DNAJC10: variants seen among roughly 807,000 people sequenced by gnomAD.
The protein encoded by DNAJC10 is endoplasmic reticulum disulfide reductase DNAJC10.
A neutral mutation model predicts 115.0 loss-of-function variants in DNAJC10; 101 were observed. That is an observed-to-expected ratio of 0.88 (90% CI 0.75 to 1.04). The LOEUF (loss-of-function observed/expected upper bound fraction) is 1.04. Among genes scored for constraint, DNAJC10 ranks in the 50% least tolerant of loss-of-function variants. DNAJC10 has a pLI of 0.00. For synonymous variants in DNAJC10, 307 were observed against 301.5 expected, an observed-to-expected ratio of 1.02 and a Z score of -0.19; for missense variants, 981 against 928.8, an observed-to-expected ratio of 1.06 and a Z score of -0.73.
At chr2:182,751,966 C>T (rs1479598411) in intron 15 of DNAJC10, 106 bp from the exon 16 acceptor site, 14 of 1,204,360 alleles carry the variant, frequency 1.2e-5, no homozygotes, top group East Asian at 2.3e-5. Flanking sequence ...GAAGGTTTGC[C>T]GCTAAGTACA....
intron 9 of DNAJC10, 74 bp downstream of exon 9, chr2:182,731,181 A>G (rs1167681925): frequency 9.4e-7 from 1 of 1,062,334 alleles, no homozygotes; most frequent in African/African-American, 1.6e-5. Context: ...TAAGTATGCT[A>G]CTGTAATTGA....
In DNAJC10 at chr2:182,716,490, A is replaced by C. The variant is rs1692994857; in HGVS notation, c.-204+7A>C. ...GCGACCCCGCGATGGCAAGGTGGGC[A>C]TGGGCCCGGGGCTAGGGCTTTGCTG... On this transcript the variant is annotated splice_region_variant and intron_variant, in intron 1 of 23. Transcript: ENST00000264065. The C allele has an allele frequency of 6.6e-6, 1 of 152,470 alleles. No individual in the cohort carries two copies. The highest frequency in any genetic ancestry group is 1.5e-5 in the Non-Finnish European group (1 of 68,278). The allele number at this position is 152,470 out of a possible 1,614,324, so 9.4% of individuals were successfully genotyped here.
intron 16 of DNAJC10, 27 bp downstream of exon 16, chr2:182,752,215 T>G: frequency 1.7e-6 from 2 of 1,206,486 alleles, no homozygotes; most frequent in Non-Finnish European, 2.3e-6. Flanking sequence ...AAAATTATTC[T>G]AATTAATTTT....
intron 22 of DNAJC10, among the ~76,000 whole-genome samples, chr2:182,763,668 A>G (rs1280754907): frequency 6.6e-6 from 1 of 152,134 alleles, no homozygotes; most frequent in Non-Finnish European, 1.5e-5. Flanking sequence ...TAACATACAC[A>G]CAGTGCCTCA....
chr2:182,720,585 T>A (rs1169271492), intron 4 of DNAJC10, among the ~76,000 whole-genome samples: 1 of 152,148 alleles, frequency 6.6e-6, no homozygotes, highest in African/African-American at 2.4e-5. Flanking sequence ...AGTAACATGC[T>A]GTACAGATTT....
intron 18 of DNAJC10, among the ~76,000 whole-genome samples, chr2:182,756,761 C>A (rs1694167129): frequency 6.6e-6 from 1 of 152,058 alleles, no homozygotes; most frequent in African/African-American, 2.4e-5. Flanking sequence ...ACCTCAACCA[C>A]CCTAGTAGCT....
intron 14 of DNAJC10, among the ~76,000 whole-genome samples, chr2:182,750,160 G>T (rs1559013898): frequency 6.6e-6 from 1 of 152,168 alleles, no homozygotes; most frequent in Non-Finnish European, 1.5e-5. Context: ...GAGAGAGAGA[G>T]AGTCAAGAAT....
chr2:182,783,691 GA>G lies in DNAJC10; in HGVS notation c.*6565del. The G allele has an allele frequency of 6.6e-6, 1 of 152,098 alleles. No individual in the cohort carries two copies. Among genetic ancestry groups the G allele is most frequent in the South Asian group, 2.1e-4 (1 of 4,822 alleles). The allele number at this position is 152,098 out of a possible 1,614,324, so 9.4% of individuals were successfully genotyped here. A position where few individuals can be genotyped will look rare whatever the true frequency, so the allele number is the denominator to read the frequency against. ...ATACTTTCTATTTTGTGACAGGAGTGAAAAAATGTTTAATGATTTTAAACAT... is the reference window on the plus strand; with the variant it reads ...ATACTTTCTATTTTGTGACAGGAGTGAAAAATGTTTAATGATTTTAAACAT... On this transcript the variant is annotated 3_prime_UTR_variant, in exon 24 of 24. Coordinates refer to ENST00000264065, the MANE Select transcript of DNAJC10 (RefSeq NM_018981.4).
rs1033185066 is a variant in DNAJC10, at chr2:182,792,605, T to C, written c.*15473T>C. The C allele has an allele frequency of 6.6e-6, 1 of 152,236 alleles. No homozygotes were observed. Among genetic ancestry groups the C allele is most frequent in the African/African-American group, 2.4e-5 (1 of 41,462 alleles). The allele number at this position is 152,236 out of a possible 1,614,324, so 9.4% of individuals were successfully genotyped here. A position where few individuals can be genotyped will look rare whatever the true frequency, so the allele number is the denominator to read the frequency against. On this transcript the variant is annotated 3_prime_UTR_variant, in exon 24 of 24. Coordinates refer to ENST00000264065, the MANE Select transcript of DNAJC10 (RefSeq NM_018981.4). The stretch of plus-strand genomic sequence containing the variant: ...CAGTCCATCTAAATGCATGCCAGTT[T>C]CTTTCTTGATAAATTAGAGGCCTAT...
At chr2:182,739,049 G>A (rs1693660439) in intron 11 of DNAJC10, among the ~76,000 whole-genome samples, 1 of 151,604 alleles carries the variant, frequency 6.6e-6, no homozygotes, top group Admixed American at 6.6e-5. Context: ...AGTCTTCATA[G>A]TGAATAGGAC....
intron 20 of DNAJC10, 55 bp downstream of exon 20, chr2:182,758,945 C>G (rs1330648776): frequency 2.3e-6 from 3 of 1,321,612 alleles, no homozygotes; most frequent in African/African-American, 1.5e-5. Context: ...CCATTTACCC[C>G]CCTTTTATAT....
chr2:182,717,971 C>A lies in DNAJC10; in HGVS notation c.-116C>A. 1 of 637,062 alleles carries A rather than the reference C, an allele frequency of 1.6e-6. No individual in the cohort carries two copies. Among genetic ancestry groups the A allele is most frequent in the Non-Finnish European group, 2.5e-6 (1 of 395,828 alleles). The allele number at this position is 637,062 out of a possible 1,614,324, so 39.5% of individuals were successfully genotyped here. On this transcript the variant is annotated 5_prime_UTR_variant, in exon 3 of 24. Transcript: ENST00000264065. Reference sequence around the variant, plus strand: ...TATTTTTGGGGACAGATTTGTGATGCTTGATTCACCCTTGAAGTAATGTAG... The same window carrying A: ...TATTTTTGGGGACAGATTTGTGATGATTGATTCACCCTTGAAGTAATGTAG...
intron 8 of DNAJC10, among the ~76,000 whole-genome samples, chr2:182,730,784 CCTA>C (rs1239435418): frequency 4.6e-5 from 7 of 151,896 alleles, no homozygotes; most frequent in Non-Finnish European, 7.4e-5. Flanking sequence ...GTCACAGGGG[CCTA>C]ACTTGCCAAT....
In DNAJC10 at chr2:182,755,062, T is replaced by C; in HGVS notation, c.1611T>C (p.Tyr537=). 6.2e-7 allele frequency: 1 copy of C among 1,610,180 alleles called. No individual in the cohort carries two copies. The highest frequency in any genetic ancestry group is 8.5e-7 in the Non-Finnish European group (1 of 1,176,610). Residue 537 remains tyrosine, a synonymous_variant, in exon 17 of 24, where the codon TAT becomes TAC. Coordinates refer to ENST00000264065, the MANE Select transcript of DNAJC10 (RefSeq NM_018981.4). ...TCAACCAGTCCAACATTCATGAGTATGAAGGACATCACTCTGCTGAACAAA... is the reference window on the plus strand; with the variant it reads ...TCAACCAGTCCAACATTCATGAGTACGAAGGACATCACTCTGCTGAACAAA... ...VVFNQSNIHE[Y]EGHHSAEQIL... is the part of the protein sequence containing the mutation.
intron 18 of DNAJC10, among the ~76,000 whole-genome samples, chr2:182,756,749 C>T (rs1437971110): frequency 6.6e-6 from 1 of 152,056 alleles, no homozygotes; most frequent in African/African-American, 2.4e-5. Context: ...CGGCTCACCG[C>T]AACCTCAACC....
In DNAJC10 at chr2:182,722,050, C is replaced by T. The variant is rs1160024915; in HGVS notation, c.393C>T (p.Ile131=). 2.6e-6 allele frequency: 4 copies of T among 1,556,402 alleles called. No homozygotes were observed. The African/African-American group carries it at 5.5e-5, about 22-fold the overall frequency. The change falls in exon 5 of 24, where the codon ATC becomes ATT. Residue 131 remains isoleucine (I), a synonymous_variant. Coordinates refer to ENST00000264065, the MANE Select transcript of DNAJC10 (RefSeq NM_018981.4). ...DFGIYDDDPE[I]ITLERREFDA... The stretch of plus-strand genomic sequence containing the variant: ...GTATTTATGATGATGATCCTGAAAT[C>T]ATAACATTGGAAAGAAGAGAATTTG...
chr2:182,743,282 G>A (rs1405703698), intron 13 of DNAJC10, among the ~76,000 whole-genome samples: 1 of 152,030 alleles, frequency 6.6e-6, no homozygotes, highest in Non-Finnish European at 1.5e-5. Context: ...TTCTGCTTCT[G>A]AAAGTGATCT....
In DNAJC10 at chr2:182,753,521, A is replaced by C. The variant is rs554532569; in HGVS notation, c.1551+1333A>C. 1.6e-3 allele frequency among the ~76,000 whole-genome samples: 236 copies of C among 151,988 alleles called. 3 individuals carry two copies. In the South Asian group the frequency reaches 0.019, roughly 12 times the overall value. ...GTAACTTTGAAAGAAATGCCAACCA[A>C]AGATACAAAATTGATGTGATAAACA... On this transcript the variant is annotated intron_variant, in intron 16 of 23. Transcript: ENST00000264065.
At chr2:182,745,344 G>A (rs760626706) in intron 14 of DNAJC10, among the ~76,000 whole-genome samples, 1 of 152,210 alleles carries the variant, frequency 6.6e-6, no homozygotes, top group Admixed American at 6.5e-5. Flanking sequence ...TGAATGCCAT[G>A]TTCTTTCACT....
Sources: allele counts gnomAD v4.1 joint callset (sites outside exome capture counted in the v4.1 genomes callset), GRCh38; gene constraint gnomAD v4.1.1; transcripts MANE v1.5; gene names NCBI Gene and HGNC (gene_info 2026-07-23, HGNC 2026-07-21).